Variants in ORMDL1 observed in about 807,000 individuals in gnomAD.
ORMDL1 encodes the protein ORM1-like protein 1.
Under a neutral mutation model 13.0 loss-of-function variants are expected in ORMDL1, and 10 were observed. The observed-to-expected ratio is 0.77, with a 90% CI of 0.47 to 1.30. The LOEUF (loss-of-function observed/expected upper bound fraction) is 1.30. Ranked by LOEUF, ORMDL1 falls within the 50% of genes most tolerant of loss-of-function variation. ORMDL1 has a pLI of 0.00. For missense variants in ORMDL1, 171 were observed against 186.7 expected, an observed-to-expected ratio of 0.92 and a Z score of 0.49; for synonymous variants, 61 against 63.9, an observed-to-expected ratio of 0.95 and a Z score of 0.22.
rs1158603003 is a variant in ORMDL1 at position 189,770,983 on chromosome 2, C to T, written c.*784G>A. 3 of 152,094 alleles carry T rather than the reference C, an allele frequency of 2.0e-5. No individual in the cohort carries two copies. The highest frequency in any genetic ancestry group is 2.9e-5 in the Non-Finnish European group (2 of 68,024). The allele number at this position is 152,094 out of a possible 1,614,324, so 9.4% of individuals were successfully genotyped here. ...AAATAAGCAGACACCTTTAAATTAC[C>T]ATATATTTTTTAGTTGCTTGAAAGA... On this transcript the variant is annotated 3_prime_UTR_variant, in exon 5 of 5. Coordinates refer to ENST00000392349, the MANE Select transcript of ORMDL1 (RefSeq NM_016467.5).
At position 189,771,827 on chromosome 2, in the gene ORMDL1, T is replaced by C; in HGVS notation, c.402A>G (p.Val134=). The C allele has an allele frequency of 1.2e-6, 2 of 1,611,734 alleles. No individual in the cohort carries two copies. The highest frequency in any genetic ancestry group is 1.7e-6 in the Non-Finnish European group (2 of 1,178,298). The change falls in exon 5 of 5, where the codon GTA becomes GTG. Residue 134 remains valine, a synonymous_variant. Transcript: ENST00000392349. ...GTAGTTGTGGCATTTTGGGAATTAG[T>C]ACACTCAGGAGAGAAGCTGTGTTTA... ...FILNTASLLS[V]LIPKMPQLHG... is the part of the protein sequence containing the mutation.
chr2:189,780,256 C>T (rs1401396593), intron 3 of ORMDL1, among the ~76,000 whole-genome samples: 1 of 152,156 alleles, frequency 6.6e-6, no homozygotes, highest in African/African-American at 2.4e-5. Flanking sequence ...ATGGAATTTT[C>T]CGCTTGTGGC....
chr2:189,764,150 G>A, the ORMDL1 span: 1 of 152,138 alleles, frequency 6.6e-6, no homozygotes, highest in African/African-American at 2.4e-5. Context: ...TTTCTCTAGG[G>A]TGCACTGTTG....
chr2:189,765,414 C>G (rs1006731142), downstream of ORMDL1: 11 of 152,122 alleles, frequency 7.2e-5, no homozygotes, highest in African/African-American at 2.4e-4. Context: ...GCCTGGCAGG[C>G]CCATAGTGTG....
rs528724739 is a variant in ORMDL1 at position 189,780,586 on chromosome 2, T to C, written c.174+1836A>G. 4.2e-4 allele frequency among the ~76,000 whole-genome samples: 64 copies of C among 152,206 alleles called. No individual in the cohort carries two copies. In the East Asian group the frequency reaches 0.012, roughly 28 times the overall value. On this transcript the variant is annotated intron_variant, in intron 3 of 4. Transcript: ENST00000392349. ...GATGAAGTAACCTAGGTAGAATACA[T>C]AGCATAAGAAGAGATGAAGAAAAGA...
downstream of ORMDL1, among the ~76,000 whole-genome samples, chr2:189,767,249 C>T (rs150557377): frequency 1.1e-3 from 160 of 152,238 alleles, 1 homozygote; most frequent in Non-Finnish European, 1.8e-3. Context: ...CTCTGTTATT[C>T]CCACATACTC....
intron 1 of ORMDL1, chr2:189,783,443 T>C (rs1453418032): frequency 6.6e-6 from 1 of 152,164 alleles, no homozygotes; most frequent in Non-Finnish European, 1.5e-5. Context: ...TAGATTATAT[T>C]TGGAACAGCT....
chr2:189,770,122 A>C (rs888831179), downstream of ORMDL1, among the ~76,000 whole-genome samples: 1 of 152,182 alleles, frequency 6.6e-6, no homozygotes, highest in African/African-American at 2.4e-5. Context: ...TGACGGGAGA[A>C]AGCAGTGAAG....
chr2:189,766,975 T>C (rs74832251), downstream of ORMDL1, among the ~76,000 whole-genome samples: 5,160 of 152,326 alleles, frequency 0.034, 105 homozygotes, highest in South Asian at 0.07. Flanking sequence ...ATTGTGTGTA[T>C]ATGTCACATT....
chr2:189,779,110 C>T (rs557456682), intron 3 of ORMDL1, among the ~76,000 whole-genome samples: 1 of 151,408 alleles, frequency 6.6e-6, no homozygotes, highest in East Asian at 2.0e-4. Flanking sequence ...ACCAGGAGTT[C>T]GAGGCTGCAG....
intron 3 of ORMDL1, 119 bp downstream of exon 3, chr2:189,782,303 T>C (rs1038490829): frequency 8.0e-5 from 71 of 886,420 alleles, no homozygotes; most frequent in Non-Finnish European, 1.2e-4. Context: ...CTCTTCATCT[T>C]GCAAAACCAA....
chr2:189,769,591 A>G (rs2047538163), downstream of ORMDL1, among the ~76,000 whole-genome samples: 1 of 152,188 alleles, frequency 6.6e-6, no homozygotes, highest in Non-Finnish European at 1.5e-5. Context: ...TCAAAGGGAC[A>G]CAGCAGTCAG....
At chr2:189,783,415 G>T (rs1285702037) in intron 1 of ORMDL1, 2 of 152,158 alleles carry the variant, frequency 1.3e-5, no homozygotes, top group Admixed American at 6.5e-5. Context: ...ATCATCCGAC[G>T]GAGGGGGAAA....
At chr2:189,778,789 G>C (rs2106152635) in intron 3 of ORMDL1, among the ~76,000 whole-genome samples, 1 of 152,230 alleles carries the variant, frequency 6.6e-6, no homozygotes, top group African/African-American at 2.4e-5. Context: ...CATCTGTTCA[G>C]GACGCTGAGG....
chr2:189,771,923 A>T (rs747193461), intron 4 of ORMDL1, 21 bp from the exon 5 acceptor site: 10 of 1,512,800 alleles, frequency 6.6e-6, no homozygotes, highest in Non-Finnish European at 8.9e-6. Flanking sequence ...AAAAGTTAAG[A>T]ATATATATAA....
chr2:189,766,114 C>G (rs1459922010), downstream of ORMDL1, among the ~76,000 whole-genome samples: 1 of 152,074 alleles, frequency 6.6e-6, no homozygotes, highest in Non-Finnish European at 1.5e-5. Flanking sequence ...CGTGAGCCAC[C>G]ACGCCCAGCC....
In ORMDL1 at chr2:189,781,464, T is replaced by C. The variant is rs139752731; in HGVS notation, c.174+958A>G. 6.6e-5 allele frequency among the ~76,000 whole-genome samples: 10 copies of C among 152,214 alleles called. No individual in the cohort carries two copies. In the East Asian group the frequency reaches 1.9e-3, roughly 29 times the overall value. ...TTCCAGGGCTGCATAATATGGTCAG[T>C]ACAGTCAATCAAAACTTTGATACTC... On this transcript the variant is annotated intron_variant, in intron 3 of 4. Coordinates refer to ENST00000392349, the MANE Select transcript of ORMDL1 (RefSeq NM_016467.5).
Position 189,771,703 on chromosome 2 carries a change from C to T in ORMDL1, c.*64G>A. On this transcript the variant is annotated 3_prime_UTR_variant, in exon 5 of 5. Transcript: ENST00000392349. ...ATTATCACAGAAACAGTGCAGTTTA[C>T]TAACCACTCCTTCCTTATAAGAAAT... The T allele has an allele frequency of 2.1e-6, 3 of 1,401,710 alleles. No individual in the cohort carries two copies. The African/African-American group carries it at 4.4e-5, about 21-fold the overall frequency. The allele number at this position is 1,401,710 out of a possible 1,614,324, so 86.8% of individuals were successfully genotyped here. A position where few individuals can be genotyped will look rare whatever the true frequency, so the allele number is the denominator to read the frequency against.
intron 3 of ORMDL1, chr2:189,778,495 C>T: frequency 2.2e-6 from 1 of 453,452 alleles, no homozygotes. Context: ...AAAACAATGA[C>T]AAACACATGA....
Sources: allele counts gnomAD v4.1 joint callset (sites outside exome capture counted in the v4.1 genomes callset), GRCh38; gene constraint gnomAD v4.1.1; transcripts MANE v1.5; gene names NCBI Gene and HGNC (gene_info 2026-07-23, HGNC 2026-07-21).